Variants in PLXDC2 observed in about 807,000 individuals in gnomAD.
PLXDC2 encodes the protein plexin domain containing 2, also known as plexin domain-containing protein 2.
PLXDC2 carries 40 observed loss-of-function variants against 68.9 expected under a neutral mutation model. The ratio of observed to expected loss-of-function variants is 0.58; its 90% CI spans 0.45 to 0.76. The LOEUF (loss-of-function observed/expected upper bound fraction) is 0.76. PLXDC2 is among the 30% of genes least tolerant of loss of function. PLXDC2 has a pLI of 0.00. For missense variants in PLXDC2, 644 were observed against 661.9 expected (o/e 0.97, Z 0.30); for synonymous variants, 243 against 234.2 (o/e 1.04, Z -0.34).
At chr10:19,886,113 G>A (rs1837841427) in intron 1 of PLXDC2, among the ~76,000 whole-genome samples, 1 of 152,084 alleles carries the variant, frequency 6.6e-6, no homozygotes, top group African/African-American at 2.4e-5. Context: ...TCTCTTTGAA[G>A]CAATTGTGAA....
intron 2 of PLXDC2, among the ~76,000 whole-genome samples, chr10:20,020,521 T>A (rs1835290171): frequency 6.6e-6 from 1 of 151,910 alleles, no homozygotes; most frequent in Admixed American, 6.6e-5. Flanking sequence ...GGAGATTTCA[T>A]AACCACCTGT....
At chr10:20,248,854 T>G (rs1156761899) in intron 13 of PLXDC2, among the ~76,000 whole-genome samples, 3 of 152,188 alleles carry the variant, frequency 2.0e-5, no homozygotes, top group Non-Finnish European at 4.4e-5. Context: ...CCTTTTATGT[T>G]CCATATTATA....
intron 2 of PLXDC2, among the ~76,000 whole-genome samples, chr10:20,044,692 G>C (rs935173370): frequency 6.6e-6 from 1 of 152,028 alleles, no homozygotes; most frequent in Non-Finnish European, 1.5e-5. Context: ...AGTGATTCCA[G>C]GTCTCACACC....
chr10:20,167,658 C>A (rs1379847217), intron 7 of PLXDC2, among the ~76,000 whole-genome samples: 1 of 152,078 alleles, frequency 6.6e-6, no homozygotes, highest in Non-Finnish European at 1.5e-5. Flanking sequence ...TTACATAGAA[C>A]CCTGTTCTCA....
At chr10:20,065,162 A>T (rs1224999844) in intron 3 of PLXDC2, among the ~76,000 whole-genome samples, 1 of 152,200 alleles carries the variant, frequency 6.6e-6, no homozygotes, top group East Asian at 1.9e-4. Flanking sequence ...GCCATGACTG[A>T]CCAAGGTTGA....
chr10:20,258,404 T>G (rs1341351801), intron 13 of PLXDC2, among the ~76,000 whole-genome samples: 1 of 152,188 alleles, frequency 6.6e-6, no homozygotes, highest in Non-Finnish European at 1.5e-5. Context: ...AAAATCACTC[T>G]TGCTACTTAC....
intron 1 of PLXDC2, among the ~76,000 whole-genome samples, chr10:19,990,091 G>C (rs1834721744): frequency 1.3e-5 from 2 of 151,748 alleles, no homozygotes; most frequent in African/African-American, 4.8e-5. Flanking sequence ...TTACCACCAG[G>C]ATTTTTTTTT....
At chr10:19,829,435 A>C (rs16919385) in intron 1 of PLXDC2, among the ~76,000 whole-genome samples, 18,614 of 152,010 alleles carry the variant, frequency 0.12, 1,337 homozygotes, top group Non-Finnish European at 0.15. Context: ...ATACTTTCTT[A>C]CCACATGTTT....
At chr10:20,083,051 G>A (rs1247061084) in intron 4 of PLXDC2, among the ~76,000 whole-genome samples, 2 of 152,256 alleles carry the variant, frequency 1.3e-5, no homozygotes, top group Admixed American at 6.5e-5. Context: ...TTCCAAGTGA[G>A]CAGAAAAATC....
Position 19,816,924 on chromosome 10 carries a change from G to A in PLXDC2, c.-156G>A, listed in dbSNP as rs1836353593. On this transcript the variant is annotated 5_prime_UTR_variant, in exon 1 of 14. Transcript: ENST00000377252. ...CTCGCGTTCGCTTCTTCCTCTTCTC[G>A]GTTCCCTACTGTGAAATCGCAGCGA... 1.6e-6 allele frequency: 1 copy of A among 610,452 alleles called. No homozygotes were observed. The highest frequency in any genetic ancestry group is 1.9e-5 in the African/African-American group (1 of 53,986). 37.8% of individuals were successfully genotyped at this position (610,452 alleles called of 1,614,324 possible).
intron 1 of PLXDC2, among the ~76,000 whole-genome samples, chr10:19,979,579 C>G (rs1030383121): frequency 6.6e-6 from 1 of 152,180 alleles, no homozygotes; most frequent in Admixed American, 6.5e-5. Flanking sequence ...GCCATTTTGG[C>G]CAGGCTGGTC....
At chr10:20,235,552 T>C (rs747334136) in intron 12 of PLXDC2, among the ~76,000 whole-genome samples, 11 of 152,162 alleles carry the variant, frequency 7.2e-5, no homozygotes, top group Non-Finnish European at 1.5e-4. Context: ...CTCTTACTAT[T>C]ATGTCCATTT....
chr10:20,168,641 A>G (rs1371116914), intron 7 of PLXDC2, among the ~76,000 whole-genome samples: 1 of 152,232 alleles, frequency 6.6e-6, no homozygotes, highest in Admixed American at 6.5e-5. Context: ...TAGAAACAGA[A>G]AGAACCATAG....
At chr10:19,859,359 C>T (rs768139562) in intron 1 of PLXDC2, among the ~76,000 whole-genome samples, 9 of 152,308 alleles carry the variant, frequency 5.9e-5, no homozygotes, top group Middle Eastern at 3.4e-3. Context: ...GCCCCAGAGA[C>T]GGCATTAAAT....
intron 1 of PLXDC2, among the ~76,000 whole-genome samples, chr10:19,854,681 A>G (rs536178361): frequency 6.6e-6 from 1 of 152,334 alleles, no homozygotes; most frequent in South Asian, 2.1e-4. Context: ...TTTTAGTTGC[A>G]ATTCCAGCCT....
chr10:20,240,137 G>A (rs1050469634), intron 12 of PLXDC2, among the ~76,000 whole-genome samples: 2 of 152,122 alleles, frequency 1.3e-5, no homozygotes, highest in Non-Finnish European at 2.9e-5. Context: ...GTGTCCGTAT[G>A]TATTCAATGT....
Position 19,869,063 on chromosome 10 carries a change from A to G in PLXDC2, c.112+51872A>G, listed in dbSNP as rs185141852. ...CATAGGCTTTAGAGTTAGAGAACTC[A>G]GGGTTCAAGATTTGGCTCTATACTT... On this transcript the variant is annotated intron_variant, in intron 1 of 13. Coordinates refer to ENST00000377252, the MANE Select transcript of PLXDC2 (RefSeq NM_032812.9). Among the ~76,000 whole-genome samples the G allele has an allele frequency of 1.5e-4, 23 of 152,294 alleles. No homozygotes were observed. In the East Asian group the frequency reaches 4.2e-3, roughly 28 times the overall value.
At chr10:20,021,668 A>ATTT (rs199856642) in intron 2 of PLXDC2, among the ~76,000 whole-genome samples, 1 of 119,230 alleles carries the variant, frequency 8.4e-6, no homozygotes, top group African/African-American at 2.6e-5. Flanking sequence ...CTCCAGTCAC[A>ATTT]TTTTTTTTTA....
chr10:20,060,094 G>A (rs1167631395), intron 3 of PLXDC2, among the ~76,000 whole-genome samples: 1 of 152,156 alleles, frequency 6.6e-6, no homozygotes, highest in African/African-American at 2.4e-5. Context: ...TTGCAGTGGT[G>A]TGATCACAGC....
Sources: allele counts gnomAD v4.1 joint callset (sites outside exome capture counted in the v4.1 genomes callset), GRCh38; gene constraint gnomAD v4.1.1; transcripts MANE v1.5; gene names NCBI Gene and HGNC (gene_info 2026-07-23, HGNC 2026-07-21).